DCAF17: variants seen among roughly 807,000 people sequenced by gnomAD.
The protein encoded by DCAF17 is DDB1 and CUL4 associated factor 17.
Under a neutral mutation model 66.0 loss-of-function variants are expected in DCAF17, and 48 were observed. The ratio of observed to expected loss-of-function variants is 0.73; its 90% CI spans 0.58 to 0.92. The LOEUF is 0.92. Among genes scored for constraint, DCAF17 ranks in the 40% least tolerant of loss-of-function variants. The pLI is 0.00. For synonymous variants in DCAF17, 206 were observed against 214.6 expected (o/e 0.96, Z 0.35); for missense variants, 562 against 622.8 (o/e 0.90, Z 1.04).
intron 8 of DCAF17, among the ~76,000 whole-genome samples, chr2:171,465,146 C>T (rs538989418): frequency 3.4e-4 from 52 of 150,932 alleles, no homozygotes; most frequent in Admixed American, 5.9e-4. Context: ...TGCAGTGAGC[C>T]GAGATTGCGC....
rs1255636868 is a variant in DCAF17 at position 171,480,205 on chromosome 2, C to T, written c.1422+12C>T. ...AGTCATGGGATGTGGTGAGTAGAGT[C>T]CGTGGGATACAAAGTTGTAAACCTT... is the stretch of plus-strand genomic sequence containing the variant. On this transcript the variant is annotated intron_variant, in intron 13 of 13. Transcript: ENST00000375255. The T allele has an allele frequency of 4.3e-6, 7 of 1,612,368 alleles. No homozygotes were observed.
rs1007006126 is a variant in DCAF17, at chr2:171,434,346, C to T, written c.-232C>T. 50 of 747,994 alleles carry T rather than the reference C, an allele frequency of 6.7e-5. No individual in the cohort carries two copies. Among genetic ancestry groups the T allele is most frequent in the Admixed American group, 4.5e-4 (22 of 48,670 alleles). 46.3% of individuals were successfully genotyped at this position (747,994 alleles called of 1,614,324 possible). A position where few individuals can be genotyped will look rare whatever the true frequency, so the allele number is the denominator to read the frequency against. On this transcript the variant is annotated 5_prime_UTR_variant, in exon 1 of 14. Transcript: ENST00000375255. ...AGCGGCCAGAGAGCCTGGGGCAGAT[C>T]GAAAAGGGAGTGCTTCTTCCCTTCT...
chr2:171,458,523 G>C lies in DCAF17; in HGVS notation c.838+46G>C, dbSNP rs764509776. The C allele has an allele frequency of 9.9e-6, 14 of 1,417,090 alleles. No individual in the cohort carries two copies. In the South Asian group the frequency reaches 1.6e-4, roughly 17 times the overall value. The allele number at this position is 1,417,090 out of a possible 1,614,324, so 87.8% of individuals were successfully genotyped here. A position where few individuals can be genotyped will look rare whatever the true frequency, so the allele number is the denominator to read the frequency against. On this transcript the variant is annotated intron_variant, in intron 8 of 13. Transcript: ENST00000375255. ...TTTTTCACCTTAAAAAAATTAAGTG[G>C]TCATATAAATAGTTATTAATTATAG...
chr2:171,451,401 T>C (rs1394561482), intron 5 of DCAF17, among the ~76,000 whole-genome samples: 2 of 152,194 alleles, frequency 1.3e-5, no homozygotes, highest in Non-Finnish European at 2.9e-5. Flanking sequence ...ATCTCTCTCT[T>C]AGTAATACTT....
chr2:171,438,614 C>T (rs760217085), intron 2 of DCAF17, among the ~76,000 whole-genome samples: 1 of 152,126 alleles, frequency 6.6e-6, no homozygotes, highest in Non-Finnish European at 1.5e-5. Context: ...CCACTTAATC[C>T]CTGGTAATGT....
chr2:171,434,625 G>A lies in DCAF17; in HGVS notation c.48G>A (p.Arg16=). The change falls in exon 1 of 14, where the codon CGG becomes CGA. Residue 16 remains arginine, a synonymous_variant. Coordinates refer to ENST00000375255, the MANE Select transcript of DCAF17 (RefSeq NM_025000.4). ...KPNVCSRLSR[R]ALGCFSRDAG... is the part of the protein sequence containing the mutation. Reference sequence around the variant, plus strand: ...ACGTGTGCAGCCGGCTGAGTCGCCGGGCGCTGGGCTGCTTCTCGCGCGACG... The same window carrying A: ...ACGTGTGCAGCCGGCTGAGTCGCCGAGCGCTGGGCTGCTTCTCGCGCGACG... 2.0e-6 allele frequency: 3 copies of A among 1,531,390 alleles called. No homozygotes were observed. The highest frequency in any genetic ancestry group is 2.6e-6 in the Non-Finnish European group (3 of 1,146,898). The allele number at this position is 1,531,390 out of a possible 1,614,324, so 94.9% of individuals were successfully genotyped here.
intron 5 of DCAF17, among the ~76,000 whole-genome samples, chr2:171,450,385 A>C (rs1483885632): frequency 6.6e-6 from 1 of 152,160 alleles, no homozygotes; most frequent in African/African-American, 2.4e-5. Flanking sequence ...CTATTGAAAT[A>C]AAATAATAAT....
At chr2:171,450,232 G>C (rs1694869250) in intron 5 of DCAF17, among the ~76,000 whole-genome samples, 1 of 152,164 alleles carries the variant, frequency 6.6e-6, no homozygotes, top group Non-Finnish European at 1.5e-5. Context: ...AGACTCGGGT[G>C]AAAGGGTGGG....
rs779579578 is a variant in DCAF17 at position 171,443,595 on chromosome 2, A to T, written c.303A>T (p.Leu101Phe). ...AATCAGAAAAAATAGAGGATGCTTT[A>T]TTATGGGAATGCCCAGTGGTAAGAT... The part of the protein sequence containing the change: ...CSKSEKIEDA[L>F]LWECPVGDIL... Residue 101 changes from leucine to phenylalanine, a missense_variant, in exon 3 of 14, where the codon TTA becomes TTT. Leu to Phe is a conservative substitution (Grantham distance 22). Transcript: ENST00000375255. The T allele has an allele frequency of 6.2e-7, 1 of 1,612,914 alleles. No homozygotes were observed. The highest frequency in any genetic ancestry group is 1.7e-5 in the Admixed American group (1 of 59,988).
Position 171,473,567 on chromosome 2 carries a change from C to A in DCAF17, c.982-299C>A, listed in dbSNP as rs201495882. On this transcript the variant is annotated intron_variant, in intron 9 of 13. Transcript: ENST00000375255. ...AAATGAAACAGTGCCTATAAAGCAT[C>A]AAACGCAGTTCCTGACACAAAGTAG... Among the ~76,000 whole-genome samples the A allele has an allele frequency of 0.11, 17,224 of 152,154 alleles. 1,133 individuals carry two copies. The highest frequency in any genetic ancestry group is 0.14 in the Non-Finnish European group (9,782 of 67,966).
intron 8 of DCAF17, among the ~76,000 whole-genome samples, chr2:171,460,804 G>A (rs1695543885): frequency 6.6e-6 from 1 of 151,996 alleles, no homozygotes; most frequent in Non-Finnish European, 1.5e-5. Context: ...CCAAAGTGCT[G>A]GGATTACAGG....
chr2:171,465,339 A>C (rs1341805786), intron 8 of DCAF17, among the ~76,000 whole-genome samples: 1 of 152,194 alleles, frequency 6.6e-6, no homozygotes, highest in African/African-American at 2.4e-5. Flanking sequence ...TATAGGATTA[A>C]GCTACCAGCA....
At chr2:171,444,379 T>C (rs536982323) in intron 3 of DCAF17, among the ~76,000 whole-genome samples, 1 of 152,338 alleles carries the variant, frequency 6.6e-6, no homozygotes, top group South Asian at 2.1e-4. Context: ...CAAAACTTTT[T>C]GAATGCCGAC....
intron 2 of DCAF17, among the ~76,000 whole-genome samples, chr2:171,441,050 G>A (rs1393627704): frequency 1.3e-5 from 2 of 152,134 alleles, no homozygotes; most frequent in Admixed American, 1.3e-4. Flanking sequence ...GTTATTTCTG[G>A]CAAATTAGCC....
At position 171,484,428 on chromosome 2, in the gene DCAF17, A is replaced by G; in HGVS notation, c.*3314A>G. The G allele has an allele frequency of 2.4e-6, 1 of 413,418 alleles. No individual in the cohort carries two copies. Among genetic ancestry groups the G allele is most frequent in the Non-Finnish European group, 4.7e-6 (1 of 211,342 alleles). The allele number at this position is 413,418 out of a possible 1,614,324, so 25.6% of individuals were successfully genotyped here. ...AAGAATTTTATAGTAAATACTGACC[A>G]CGGGGATTCTACATCTTACTCTACT... is the stretch of plus-strand genomic sequence containing the variant. On this transcript the variant is annotated 3_prime_UTR_variant, in exon 14 of 14. Coordinates refer to ENST00000375255, the MANE Select transcript of DCAF17 (RefSeq NM_025000.4).
intron 12 of DCAF17, among the ~76,000 whole-genome samples, chr2:171,478,833 A>C (rs1212296174): frequency 6.6e-6 from 1 of 152,206 alleles, no homozygotes; most frequent in Non-Finnish European, 1.5e-5. Context: ...GGACCATACA[A>C]ACCTATTGAG....
intron 8 of DCAF17, among the ~76,000 whole-genome samples, chr2:171,459,793 A>G (rs1336194884): frequency 2.0e-5 from 3 of 152,226 alleles, no homozygotes; most frequent in Non-Finnish European, 2.9e-5. Flanking sequence ...CATGAAGTTC[A>G]AAATAAATAT....
At chr2:171,447,101 G>A (rs1022470444) in intron 3 of DCAF17, among the ~76,000 whole-genome samples, 6 of 151,336 alleles carry the variant, frequency 4.0e-5, no homozygotes, top group African/African-American at 1.5e-4. Context: ...TTATAGTTAT[G>A]TTATTTCTTA....
At position 171,458,134 on chromosome 2, in the gene DCAF17, A is replaced by AT. The variant is rs58636477; in HGVS notation, c.732+70dup. 167,669 of 1,176,328 alleles carry AT rather than the reference A, an allele frequency of 0.14. 1,948 individuals are homozygous for AT. Among genetic ancestry groups the AT allele is most frequent in the Non-Finnish European group, 0.16 (135,121 of 842,628 alleles). 72.9% of individuals were successfully genotyped at this position (1,176,328 alleles called of 1,614,324 possible). ...AGCATGAGTTTTCGACTAAAGTATG[A>AT]TTTTTTTTTTTAGTGAGATGCTTTT... On this transcript the variant is annotated intron_variant, in intron 7 of 13. Transcript: ENST00000375255.
Sources: allele counts gnomAD v4.1 joint callset (sites outside exome capture counted in the v4.1 genomes callset), GRCh38; gene constraint gnomAD v4.1.1; transcripts MANE v1.5; gene names NCBI Gene and HGNC (gene_info 2026-07-23, HGNC 2026-07-21).